The following BCAS3 variants were observed in gnomAD, a reference collection of about 807,000 sequenced individuals.
BCAS3 encodes the protein BCAS3 microtubule associated cell migration factor.
In BCAS3, 53 loss-of-function variants were observed where a neutral mutation model predicts 116.1. That is an observed-to-expected ratio of 0.46 (90% CI 0.37 to 0.57). The LOEUF is 0.57. BCAS3 is among the 20% of genes least tolerant of loss of function. BCAS3 has a pLI of 0.00. For missense variants in BCAS3, 917 were observed against 1,165.4 expected, an observed-to-expected ratio of 0.79 and a Z score of 3.10; for synonymous variants, 391 against 408.2, an observed-to-expected ratio of 0.96 and a Z score of 0.51.
chr17:60,992,332 C>T (rs2063581368), intron 15 of BCAS3, among the ~76,000 whole-genome samples: 1 of 151,990 alleles, frequency 6.6e-6, no homozygotes, highest in Non-Finnish European at 1.5e-5. Context: ...CTCCTGAGAT[C>T]ATACTTTATG....
chr17:61,203,645 G>A lies in BCAS3; in HGVS notation c.2425+119081G>A, dbSNP rs2080965862. ...AACACTTGATATTTTTAAATTCGTG[G>A]AAACTTTGAGCTACATATTTTGCCT... is the stretch of plus-strand genomic sequence containing the variant. On this transcript the variant is annotated intron_variant, in intron 22 of 23. Coordinates refer to ENST00000407086, the MANE Select transcript of BCAS3 (RefSeq NM_017679.5). The surrounding 1 kb of genome is among the most constrained non-coding windows in gnomAD (Gnocchi z 5.7). Among the ~76,000 whole-genome samples, 1 of 152,136 alleles carries A rather than the reference G, an allele frequency of 6.6e-6. No homozygotes were observed. The highest frequency in any genetic ancestry group is 1.5e-5 in the Non-Finnish European group (1 of 68,026).
intron 2 of BCAS3, among the ~76,000 whole-genome samples, chr17:60,681,634 C>T (rs556399663): frequency 9.3e-5 from 14 of 151,202 alleles, no homozygotes; most frequent in Non-Finnish European, 1.3e-4. Context: ...TCACTGCAAC[C>T]TCCGCCTTCT....
At chr17:61,090,848 G>A (rs1028697751) in intron 22 of BCAS3, among the ~76,000 whole-genome samples, 1 of 152,042 alleles carries the variant, frequency 6.6e-6, no homozygotes, top group Non-Finnish European at 1.5e-5. Context: ...GTAGAGATGG[G>A]GTGTCACCAT....
rs987043351 is a variant in BCAS3 at position 61,388,502 on chromosome 17, C to T, written c.2594-3475C>T. The T allele has an allele frequency of 9.8e-6, 9 of 916,114 alleles. No individual in the cohort carries two copies. Among genetic ancestry groups the T allele is most frequent in the South Asian group, 3.3e-5 (2 of 60,088 alleles). The allele number at this position is 916,114 out of a possible 1,614,324, so 56.7% of individuals were successfully genotyped here. A position where few individuals can be genotyped will look rare whatever the true frequency, so the allele number is the denominator to read the frequency against. ...CTTGACTGCAAACTCCCCCTCCTCACGGTGTGCCCCTGCGCCTCCTGACAC... is the reference window on the plus strand; with the variant it reads ...CTTGACTGCAAACTCCCCCTCCTCATGGTGTGCCCCTGCGCCTCCTGACAC... On this transcript the variant is annotated intron_variant, in intron 23 of 23. Coordinates refer to ENST00000407086, the MANE Select transcript of BCAS3 (RefSeq NM_017679.5). The surrounding 1 kb of genome is among the most constrained non-coding windows in gnomAD (Gnocchi z 6.5).
chr17:61,253,582 T>A (rs1234412804), intron 22 of BCAS3, among the ~76,000 whole-genome samples: 3 of 151,890 alleles, frequency 2.0e-5, no homozygotes, highest in African/African-American at 7.3e-5. Flanking sequence ...GGCCTAGGCA[T>A]GGCGTATGAG....
chr17:61,054,865 G>A (rs1380216325), intron 19 of BCAS3, among the ~76,000 whole-genome samples: 3 of 152,152 alleles, frequency 2.0e-5, no homozygotes, highest in African/African-American at 7.2e-5. Context: ...ACTGAAGCTA[G>A]TCATATTTAT....
chr17:60,697,407 A>AAAAT (rs1178752682), intron 4 of BCAS3, among the ~76,000 whole-genome samples: 2 of 151,842 alleles, frequency 1.3e-5, no homozygotes, highest in African/African-American at 4.8e-5. Context: ...CTAAAAATAC[A>AAAAT]AAATAAATAA....
chr17:60,718,088 T>G (rs749307448), intron 5 of BCAS3, among the ~76,000 whole-genome samples: 3 of 152,196 alleles, frequency 2.0e-5, no homozygotes, highest in Non-Finnish European at 4.4e-5. Flanking sequence ...GAGGCAGAGC[T>G]TAGGCAGTAA....
At chr17:61,127,197 T>G (rs1309307839) in intron 22 of BCAS3, among the ~76,000 whole-genome samples, 1 of 152,204 alleles carries the variant, frequency 6.6e-6, no homozygotes, top group Non-Finnish European at 1.5e-5. Context: ...CTTGTACATT[T>G]AGTGACTTTT....
At chr17:61,049,643 A>G (rs1028829036) in intron 19 of BCAS3, among the ~76,000 whole-genome samples, 56 of 152,040 alleles carry the variant, frequency 3.7e-4, no homozygotes, top group Non-Finnish European at 7.4e-4. Context: ...AAGAGAAAAA[A>G]AAATCTTAAA....
In BCAS3 at chr17:60,784,244, G is replaced by T. The variant is rs528833352; in HGVS notation, c.404-23760G>T. Among the ~76,000 whole-genome samples the T allele has an allele frequency of 2.0e-5, 3 of 150,246 alleles. No homozygotes were observed. The East Asian group carries it at 5.8e-4, about 29-fold the overall frequency. On this transcript the variant is annotated intron_variant, in intron 6 of 23. Transcript: ENST00000407086. Reference sequence around the variant, plus strand: ...AAAATTACCAAATTGAAAAAAAAAAGGTGAAAATACTTAGTGATGATGGCG... The same window carrying T: ...AAAATTACCAAATTGAAAAAAAAAATGTGAAAATACTTAGTGATGATGGCG...
At chr17:60,708,194 A>G (rs531684764) in intron 4 of BCAS3, among the ~76,000 whole-genome samples, 1 of 152,074 alleles carries the variant, frequency 6.6e-6, no homozygotes, top group South Asian at 2.1e-4. Flanking sequence ...GCATTATGGC[A>G]TATGCCCGTA....
At chr17:61,250,691 G>A (rs1297120764) in intron 22 of BCAS3, among the ~76,000 whole-genome samples, 1 of 152,196 alleles carries the variant, frequency 6.6e-6, no homozygotes, top group Non-Finnish European at 1.5e-5. Flanking sequence ...ACTAACCCAT[G>A]TACATGCTGT....
chr17:60,966,662 C>T (rs1600076554), intron 14 of BCAS3, among the ~76,000 whole-genome samples: 1 of 133,082 alleles, frequency 7.5e-6, no homozygotes, highest in East Asian at 2.1e-4. Flanking sequence ...TATCACCCAA[C>T]TTTTTTTTTT....
intron 22 of BCAS3, among the ~76,000 whole-genome samples, chr17:61,086,265 G>A (rs2073083143): frequency 6.6e-6 from 1 of 152,046 alleles, no homozygotes; most frequent in African/African-American, 2.4e-5. Flanking sequence ...GCTAGTTTTT[G>A]TATTTTTAGT....
rs2048964937 is a variant in BCAS3, at chr17:61,258,585, G to A, written c.2426-109742G>A. On this transcript the variant is annotated intron_variant, in intron 22 of 23. Transcript: ENST00000407086. The surrounding 1 kb of genome is among the most constrained non-coding windows in gnomAD (Gnocchi z 4.7). ...ATGTAAAGTGCCTGGCACAAAACAGGCGCTTAATAAATGTTAGACTGTTCC... is the reference window on the plus strand; with the variant it reads ...ATGTAAAGTGCCTGGCACAAAACAGACGCTTAATAAATGTTAGACTGTTCC... Among the ~76,000 whole-genome samples the A allele has an allele frequency of 6.6e-6, 1 of 152,268 alleles. No homozygotes were observed. The highest frequency in any genetic ancestry group is 1.5e-5 in the Non-Finnish European group (1 of 68,050).
At position 61,208,277 on chromosome 17, in the gene BCAS3, T is replaced by G. The variant is rs1033730802; in HGVS notation, c.2425+123713T>G. Among the ~76,000 whole-genome samples, 1 of 152,198 alleles carries G rather than the reference T, an allele frequency of 6.6e-6. No individual in the cohort carries two copies. The highest frequency in any genetic ancestry group is 2.4e-5 in the African/African-American group (1 of 41,434). ...ACTTTTCACTGTGTTTCATTTTGTC[T>G]AAAGCGGGACTCTTCTCCTCCCAGG... On this transcript the variant is annotated intron_variant, in intron 22 of 23. Coordinates refer to ENST00000407086, the MANE Select transcript of BCAS3 (RefSeq NM_017679.5). The surrounding 1 kb of genome is among the most constrained non-coding windows in gnomAD (Gnocchi z 4.5).
rs1261269468 is a variant in BCAS3 at position 61,381,104 on chromosome 17, T to G, written c.2594-10873T>G. Among the ~76,000 whole-genome samples the G allele has an allele frequency of 2.6e-5, 4 of 152,210 alleles. No individual in the cohort carries two copies. Among genetic ancestry groups the G allele is most frequent in the Admixed American group, 2.6e-4 (4 of 15,286 alleles). Reference sequence around the variant, plus strand: ...AAATTCATTACTGATCACATTACTTTCAACTCTGAAGCCAGCCTTGTGATA... The same window carrying G: ...AAATTCATTACTGATCACATTACTTGCAACTCTGAAGCCAGCCTTGTGATA... On this transcript the variant is annotated intron_variant, in intron 23 of 23. Transcript: ENST00000407086. The surrounding 1 kb of genome is among the most constrained non-coding windows in gnomAD (Gnocchi z 6.0).
chr17:60,819,776 CT>C (rs2049763540), intron 7 of BCAS3, among the ~76,000 whole-genome samples: 1 of 151,606 alleles, frequency 6.6e-6, no homozygotes, highest in African/African-American at 2.4e-5. Context: ...TCCTCACTCT[CT>C]TTCTGAGACA....
Sources: gnomAD v4.1 joint callset for allele counts (sites outside exome capture counted in the v4.1 genomes callset) on GRCh38, gnomAD v4.1.1 for gene constraint, Gnocchi (gnomAD v3.1) non-coding constraint, MANE v1.5 for transcripts, NCBI Gene and HGNC (gene_info 2026-07-23, HGNC 2026-07-21) for gene names.